ACO1: variants seen among roughly 807,000 people sequenced by gnomAD.
ACO1 encodes aconitase 1, also known as cytoplasmic aconitate hydratase.
ACO1 carries 78 observed loss-of-function variants against 105.1 expected under a neutral mutation model. The ratio of observed to expected loss-of-function variants is 0.74; its 90% CI spans 0.62 to 0.90. ACO1 has a LOEUF of 0.90. ACO1 is among the 40% of genes least tolerant of loss of function. ACO1 has a pLI of 0.00. For missense variants in ACO1, 965 were observed against 1,111.1 expected, an observed-to-expected ratio of 0.87 and a Z score of 1.87; for synonymous variants, 364 against 397.4, an observed-to-expected ratio of 0.92 and a Z score of 1.00.
intron 1 of ACO1, among the ~76,000 whole-genome samples, chr9:32,404,056 C>T (rs964608539): frequency 2.6e-5 from 4 of 152,026 alleles, no homozygotes; most frequent in Non-Finnish European, 4.4e-5. Context: ...TGCAGATAAG[C>T]TAGCAGGTTT....
Position 32,424,672 on chromosome 9 carries a change from G to A in ACO1, c.1188+7G>A, listed in dbSNP as rs749518811. On this transcript the variant is annotated splice_region_variant and intron_variant, in intron 10 of 20. Transcript: ENST00000309951. ...GAGCTGCCTTGGAGCCAAGGTAGGGGCCTGCGGGAAGAGGTTGAATCCTCT... is the reference window on the plus strand; with the variant it reads ...GAGCTGCCTTGGAGCCAAGGTAGGGACCTGCGGGAAGAGGTTGAATCCTCT... 2 of 1,600,540 alleles carry A rather than the reference G, an allele frequency of 1.2e-6. No homozygotes were observed. Among genetic ancestry groups the A allele is most frequent in the South Asian group, 2.2e-5 (2 of 90,500 alleles).
In ACO1 at chr9:32,416,012, C is replaced by T. The variant is rs1050745256; in HGVS notation, c.405-2116C>T. ...ATGTTAGGCAGTCTCAGGAATTGATCCTACCTATTAAAGCAACCAACACTT... is the reference window on the plus strand; with the variant it reads ...ATGTTAGGCAGTCTCAGGAATTGATTCTACCTATTAAAGCAACCAACACTT... On this transcript the variant is annotated intron_variant, in intron 4 of 20. Transcript: ENST00000309951. Among the ~76,000 whole-genome samples the T allele has an allele frequency of 3.9e-5, 6 of 152,008 alleles. No individual in the cohort carries two copies. In the East Asian group the frequency reaches 9.7e-4, roughly 24 times the overall value.
In ACO1 at chr9:32,453,897, T is replaced by C. The variant is rs1291671861; in HGVS notation, c.*3786T>C. The C allele has an allele frequency of 1.3e-5, 2 of 152,224 alleles. No individual in the cohort carries two copies. The highest frequency in any genetic ancestry group is 2.9e-5 in the Non-Finnish European group (2 of 68,036). 9.4% of individuals were successfully genotyped at this position (152,224 alleles called of 1,614,324 possible). On this transcript the variant is annotated 3_prime_UTR_variant, in exon 21 of 21. Coordinates refer to ENST00000309951, the MANE Select transcript of ACO1 (RefSeq NM_002197.3). ...AAAGATTATATAACGATAGCTGATA[T>C]TAAGTAAGTTTTAAAAGTTGACATC...
intron 18 of ACO1, among the ~76,000 whole-genome samples, chr9:32,437,911 C>T (rs1474928503): frequency 6.6e-6 from 1 of 151,918 alleles, no homozygotes; most frequent in Non-Finnish European, 1.5e-5. Context: ...TCAGGAGGCC[C>T]TAACAACCTG....
chr9:32,428,263 G>A (rs1446186600), intron 12 of ACO1, among the ~76,000 whole-genome samples: 2 of 133,778 alleles, frequency 1.5e-5, no homozygotes, highest in African/African-American at 5.6e-5. Flanking sequence ...CAGTTTGGGT[G>A]ACAGCAAGAC....
intron 19 of ACO1, among the ~76,000 whole-genome samples, 186 bp downstream of exon 19, chr9:32,440,773 T>C (rs1051539090): frequency 6.6e-6 from 1 of 152,196 alleles, no homozygotes; most frequent in Non-Finnish European, 1.5e-5. Context: ...TGAAGGGCAA[T>C]GCAGAGTTGA....
At chr9:32,393,554 T>G (rs1489990263) in intron 1 of ACO1, among the ~76,000 whole-genome samples, 1 of 152,206 alleles carries the variant, frequency 6.6e-6, no homozygotes, top group Non-Finnish European at 1.5e-5. Flanking sequence ...TACCTTGTGA[T>G]ATCTTACTAC....
At chr9:32,437,928 T>C (rs1822399898) in intron 18 of ACO1, among the ~76,000 whole-genome samples, 1 of 152,018 alleles carries the variant, frequency 6.6e-6, no homozygotes, top group Admixed American at 6.6e-5. Context: ...CCTGCCTAAA[T>C]AGAAGTGTTA....
In ACO1 at chr9:32,408,562, A is replaced by G; in HGVS notation, c.315A>G (p.Lys105=). 1 of 1,614,204 alleles carries G rather than the reference A, an allele frequency of 6.2e-7. No homozygotes were observed. The highest frequency in any genetic ancestry group is 8.5e-7 in the Non-Finnish European group (1 of 1,180,022). Residue 105 remains lysine, a synonymous_variant, in exon 4 of 21, where the codon AAA becomes AAG. Coordinates refer to ENST00000309951, the MANE Select transcript of ACO1 (RefSeq NM_002197.3). ...TTGCTGCAATGCGTGATGCTGTGAA[A>G]AAGTTAGGAGGAGATCCAGAGAAAA... ...VDFAAMRDAV[K]KLGGDPEKIN...
chr9:32,394,531 G>A (rs935570547), intron 1 of ACO1, among the ~76,000 whole-genome samples: 1 of 110,366 alleles, frequency 9.1e-6, no homozygotes, highest in Non-Finnish European at 2.3e-5. Flanking sequence ...TGCTGCTTTA[G>A]TATTTGTCAC....
chr9:32,445,624 T>C, intron 19 of ACO1: 1 of 280,746 alleles, frequency 3.6e-6, no homozygotes, highest in Non-Finnish European at 7.4e-6. Flanking sequence ...TCAGTTCTGC[T>C]TTGATCTTAG....
At chr9:32,392,668 A>C (rs1821290194) in intron 1 of ACO1, among the ~76,000 whole-genome samples, 1 of 152,210 alleles carries the variant, frequency 6.6e-6, no homozygotes, top group Non-Finnish European at 1.5e-5. Context: ...AATGAGAAAC[A>C]CAGAAGCTAT....
In ACO1 at chr9:32,418,470, C is replaced by T. The variant is rs1587533672; in HGVS notation, c.617C>T (p.Ser206Leu). 5.6e-6 allele frequency: 9 copies of T among 1,614,138 alleles called. No individual in the cohort carries two copies. Among genetic ancestry groups the T allele is most frequent in the Admixed American group, 1.7e-5 (1 of 60,024 alleles). ...YYPDSLVGTD[S>L]HTTMIDGLGI... ...CCAGACAGCCTCGTGGGCACAGACT[C>T]GCACACTACCATGATTGATGGCTTG... Residue 206 changes from serine to leucine, a missense_variant, in exon 6 of 21, where the codon TCG becomes TTG. Ser to Leu is a moderately radical substitution (Grantham distance 145). Coordinates refer to ENST00000309951, the MANE Select transcript of ACO1 (RefSeq NM_002197.3).
intron 1 of ACO1, among the ~76,000 whole-genome samples, chr9:32,394,255 C>G (rs1171934162): frequency 6.6e-6 from 1 of 152,170 alleles, no homozygotes. Context: ...TCCTTTCTCT[C>G]CCCCTCTGAT....
intron 15 of ACO1, 79 bp downstream of exon 15, chr9:32,431,922 A>T: frequency 6.5e-7 from 1 of 1,528,164 alleles, no homozygotes; most frequent in Non-Finnish European, 8.9e-7. Flanking sequence ...TGCAGACCTC[A>T]AGGCTAACGG....
intron 4 of ACO1, among the ~76,000 whole-genome samples, chr9:32,415,715 G>C (rs1000267295): frequency 6.6e-6 from 1 of 152,138 alleles, no homozygotes; most frequent in East Asian, 1.9e-4. Context: ...CTATCCCGGG[G>C]TCCCTCCTTT....
chr9:32,435,060 T>C (rs900751493), intron 17 of ACO1, among the ~76,000 whole-genome samples: 30 of 152,310 alleles, frequency 2.0e-4, no homozygotes, highest in African/African-American at 6.7e-4. Flanking sequence ...CAGGTCCTGG[T>C]TGAGAAACCT....
chr9:32,413,576 G>T (rs1007544809), intron 4 of ACO1, among the ~76,000 whole-genome samples: 3 of 151,660 alleles, frequency 2.0e-5, no homozygotes, highest in African/African-American at 7.3e-5. Context: ...TTAACCTCAT[G>T]ATCTCTCTCC....
chr9:32,432,860 G>A (rs7037425), intron 15 of ACO1, among the ~76,000 whole-genome samples: 1 of 152,148 alleles, frequency 6.6e-6, no homozygotes. Context: ...ACTTTCACAG[G>A]GTTCCAGTAA....
Sources: allele counts gnomAD v4.1 joint callset (sites outside exome capture counted in the v4.1 genomes callset), GRCh38; gene constraint gnomAD v4.1.1; transcripts MANE v1.5; gene names NCBI Gene and HGNC (gene_info 2026-07-23, HGNC 2026-07-21).